Variants in MTUS2 observed in about 807,000 individuals in gnomAD.
MTUS2 encodes the protein microtubule associated scaffold protein 2, also known as microtubule-associated tumor suppressor candidate 2.
Under a neutral mutation model 114.1 loss-of-function variants are expected in MTUS2, and 40 were observed. The ratio of observed to expected loss-of-function variants is 0.35; its 90% CI spans 0.27 to 0.46. MTUS2 has a LOEUF of 0.46. Among genes scored for constraint, MTUS2 ranks in the 20% least tolerant of loss-of-function variants. MTUS2 has a pLI of 1.00. For missense variants in MTUS2, 1,679 were observed against 1,705.4 expected (o/e 0.98, Z 0.27); for synonymous variants, 688 against 672.0 (o/e 1.02, Z -0.37).
intron 2 of MTUS2, among the ~76,000 whole-genome samples, chr13:28,883,954 G>C (rs1030668690): frequency 1.3e-5 from 2 of 152,092 alleles, no homozygotes; most frequent in Non-Finnish European, 2.9e-5. Context: ...AATGTGAAAT[G>C]GTGTAACTGC....
At chr13:29,240,553 C>T (rs573368415) in intron 5 of MTUS2, among the ~76,000 whole-genome samples, 5 of 149,320 alleles carry the variant, frequency 3.3e-5, no homozygotes, top group Admixed American at 3.3e-4. Context: ...GTGTGAATCA[C>T]AGTTGTAATA....
rs1308044363 is a variant in MTUS2 at position 29,283,784 on chromosome 13, A to C, written c.2806+1919A>C. The stretch of plus-strand genomic sequence containing the variant: ...ATTTGAAAAGACAGTTCTTAGAAAA[A>C]GGCAAAGGGCTCTTAGCCATATGAA... On this transcript the variant is annotated intron_variant, in intron 6 of 15. Transcript: ENST00000612955. Among the ~76,000 whole-genome samples the C allele has an allele frequency of 2.6e-5, 4 of 152,338 alleles. No individual in the cohort carries two copies. The East Asian group carries it at 7.7e-4, about 29-fold the overall frequency.
chr13:29,272,142 C>T (rs368173704), intron 5 of MTUS2, among the ~76,000 whole-genome samples: 15 of 152,166 alleles, frequency 9.9e-5, no homozygotes, highest in African/African-American at 1.9e-4. Context: ...ATATACACTT[C>T]GGTTAAAATA....
chr13:28,966,662 C>T (rs147961954), intron 2 of MTUS2, among the ~76,000 whole-genome samples: 17 of 138,298 alleles, frequency 1.2e-4, no homozygotes, highest in African/African-American at 4.6e-4. Flanking sequence ...GAGGTCCATG[C>T]TGCAGTGAGC....
intron 6 of MTUS2, among the ~76,000 whole-genome samples, chr13:29,292,757 T>G (rs1433287076): frequency 6.6e-6 from 1 of 152,158 alleles, no homozygotes; most frequent in Non-Finnish European, 1.5e-5. Context: ...AGATCCAGTG[T>G]AGTTTGCAGT....
intron 5 of MTUS2, among the ~76,000 whole-genome samples, chr13:29,135,806 G>T (rs964931583): frequency 6.6e-6 from 1 of 151,998 alleles, no homozygotes; most frequent in African/African-American, 2.4e-5. Context: ...CAAAATCTCT[G>T]CTCCTTTAAC....
chr13:28,926,904 GA>G (rs1394735778), intron 2 of MTUS2, among the ~76,000 whole-genome samples: 3 of 152,156 alleles, frequency 2.0e-5, no homozygotes, highest in African/African-American at 7.2e-5. Context: ...GAATTTTGAA[GA>G]CCATTAAAGC....
At chr13:28,987,634 G>A (rs1043890299) in intron 2 of MTUS2, among the ~76,000 whole-genome samples, 1 of 152,130 alleles carries the variant, frequency 6.6e-6, no homozygotes, top group Non-Finnish European at 1.5e-5. Flanking sequence ...GCCTGGAGGG[G>A]GCCACCACCA....
At position 28,905,109 on chromosome 13, in the gene MTUS2, C is replaced by G. The variant is rs995408190; in HGVS notation, c.-243+65259C>G. 6.6e-5 allele frequency among the ~76,000 whole-genome samples: 10 copies of G among 151,588 alleles called. 1 individual carries two copies. Among genetic ancestry groups the G allele is most frequent in the Non-Finnish European group, 1.5e-4 (10 of 67,892 alleles). ...TGATTTTTGTACATTGATTTTGTAT[C>G]CTGAGACTTTGCTGAAGTTGCCTAT... is the stretch of plus-strand genomic sequence containing the variant. On this transcript the variant is annotated intron_variant, in intron 2 of 15. Coordinates refer to ENST00000612955, the MANE Select transcript of MTUS2 (RefSeq NM_001033602.4).
chr13:28,989,842 G>GTT (rs1475335996), intron 2 of MTUS2, among the ~76,000 whole-genome samples: 6 of 102,726 alleles, frequency 5.8e-5, no homozygotes, highest in African/African-American at 1.7e-4. Context: ...CCTTTTTTTT[G>GTT]TTTTGTTTTG....
At chr13:29,299,575 G>A (rs111575930) in intron 6 of MTUS2, among the ~76,000 whole-genome samples, 224 of 152,214 alleles carry the variant, frequency 1.5e-3, no homozygotes, top group African/African-American at 5.2e-3. Context: ...GTCCCAGAAG[G>A]CCATATGGTG....
intron 5 of MTUS2, among the ~76,000 whole-genome samples, chr13:29,206,017 A>T (rs58757648): frequency 0.025 from 3,820 of 152,300 alleles, 95 homozygotes; most frequent in East Asian, 0.067. Context: ...ACTAGTTTAC[A>T]TTCCCATCAG....
chr13:29,416,824 GGTTTT>G (rs149147098), intron 8 of MTUS2, among the ~76,000 whole-genome samples: 7 of 48,984 alleles, frequency 1.4e-4, no homozygotes, highest in Non-Finnish European at 4.4e-4. Context: ...TTTGCCTAGA[GGTTTT>G]GTTTTGTTTT....
chr13:29,497,294 C>T lies in MTUS2; in HGVS notation c.3636C>T (p.Arg1212=). The T allele has an allele frequency of 6.2e-7, 1 of 1,612,170 alleles. No homozygotes were observed. The highest frequency in any genetic ancestry group is 1.1e-5 in the South Asian group (1 of 90,980). Residue 1212 remains arginine (R), a synonymous_variant, in exon 13 of 16, where the codon CGC becomes CGT. Coordinates refer to ENST00000612955, the MANE Select transcript of MTUS2 (RefSeq NM_001033602.4). Reference sequence around the variant, plus strand: ...AGTCTCTGCGGGACAGAGCCCGCCGCTTCGAAGAGGCCTTGAGGAAGAACA... The same window carrying T: ...AGTCTCTGCGGGACAGAGCCCGCCGTTTCGAAGAGGCCTTGAGGAAGAACA... ...QSQSLRDRAR[R]FEEALRKNTE...
At chr13:28,959,501 G>A (rs979841684) in intron 2 of MTUS2, among the ~76,000 whole-genome samples, 3 of 150,328 alleles carry the variant, frequency 2.0e-5, no homozygotes, top group African/African-American at 7.4e-5. Flanking sequence ...TAAAGAAAGA[G>A]GTTTGTATGG....
At chr13:29,232,152 C>G (rs1347563182) in intron 5 of MTUS2, among the ~76,000 whole-genome samples, 1 of 152,098 alleles carries the variant, frequency 6.6e-6, no homozygotes, top group Non-Finnish European at 1.5e-5. Flanking sequence ...ATTTCCAGAT[C>G]TTCTGCTTTT....
intron 5 of MTUS2, 32 bp from the exon 6 acceptor site, chr13:29,281,672 G>C: frequency 6.4e-7 from 1 of 1,558,970 alleles, no homozygotes; most frequent in Non-Finnish European, 8.7e-7. Flanking sequence ...TTTTCATGAA[G>C]TTATAATTAA....
intron 2 of MTUS2, among the ~76,000 whole-genome samples, chr13:28,875,814 G>C (rs1877895885): frequency 6.6e-6 from 1 of 152,164 alleles, no homozygotes; most frequent in African/African-American, 2.4e-5. Context: ...AAAGACAACA[G>C]TTACTTAAGT....
intron 2 of MTUS2, among the ~76,000 whole-genome samples, chr13:28,879,402 C>T (rs551862304): frequency 6.6e-6 from 1 of 152,294 alleles, no homozygotes; most frequent in African/African-American, 2.4e-5. Flanking sequence ...TTAATTACTA[C>T]CCTCTTTTAA....
Sources: allele counts gnomAD v4.1 joint callset (sites outside exome capture counted in the v4.1 genomes callset), GRCh38; gene constraint gnomAD v4.1.1; transcripts MANE v1.5; gene names NCBI Gene and HGNC (gene_info 2026-07-23, HGNC 2026-07-21).